LDHA: variants seen among roughly 807,000 people sequenced by gnomAD.
LDHA encodes the protein lactate dehydrogenase A, also known as L-lactate dehydrogenase A chain.
LDHA carries 10 observed loss-of-function variants against 36.3 expected under a neutral mutation model. The observed-to-expected ratio is 0.28, with a 90% CI of 0.17 to 0.47. LDHA has a LOEUF of 0.47. Among genes scored for constraint, LDHA ranks in the 20% least tolerant of loss-of-function variants. The pLI, the probability that LDHA is intolerant of heterozygous loss-of-function variation, is 0.99. For missense variants in LDHA, 267 were observed against 405.8 expected (o/e 0.66, Z 2.94); for synonymous variants, 110 against 136.7 (o/e 0.80, Z 1.36).
At chr11:18,401,955 C>CTCTCTTTTTCTTTTT in intron 4 of LDHA, among the ~76,000 whole-genome samples, 1 of 52,256 alleles carries the variant, frequency 1.9e-5, no homozygotes, top group Non-Finnish European at 3.8e-5. Flanking sequence ...TTGTTATTCT[C>CTCTCTTTTTCTTTTT]TTTTTTTTTT....
At chr11:18,406,372 T>C (rs1218396859) in intron 7 of LDHA, among the ~76,000 whole-genome samples, 1 of 140,210 alleles carries the variant, frequency 7.1e-6, no homozygotes, top group African/African-American at 2.6e-5. Flanking sequence ...AGCCCAGGTG[T>C]TTGAGACCAC....
intron 5 of LDHA, among the ~76,000 whole-genome samples, chr11:18,403,341 A>T (rs1173541468): frequency 6.6e-6 from 1 of 152,150 alleles, no homozygotes; most frequent in African/African-American, 2.4e-5. Flanking sequence ...AGATGAGCAA[A>T]TCCAAATGCA....
At chr11:18,406,830 A>T (rs1328343540) in intron 7 of LDHA, 1 of 255,546 alleles carries the variant, frequency 3.9e-6, no homozygotes, top group African/African-American at 2.3e-5. Flanking sequence ...CCTGGCCAAC[A>T]TGGTGAAACC....
chr11:18,399,706 C>T (rs1866414556), intron 3 of LDHA, 158 bp downstream of exon 3: 4 of 668,858 alleles, frequency 6.0e-6, no homozygotes, highest in Non-Finnish European at 1.1e-5. Flanking sequence ...ACTTCATTAC[C>T]CCCTCCCCCT....
At chr11:18,406,444 G>GT (rs1866685585) in intron 7 of LDHA, among the ~76,000 whole-genome samples, 2 of 125,250 alleles carry the variant, frequency 1.6e-5, no homozygotes, top group Non-Finnish European at 3.4e-5. Flanking sequence ...AAGGCCATGT[G>GT]CGGGCAGCTG....
chr11:18,406,414 TA>T lies in LDHA; in HGVS notation c.835-682del, dbSNP rs532942664. On this transcript the variant is annotated intron_variant, in intron 7 of 7. Coordinates refer to ENST00000422447, the MANE Select transcript of LDHA (RefSeq NM_005566.4). ...CAGTATAGTGAGATCTTGCCTCTGT[TA>T]AAAAAAAAAAAAAAAAAAAAGGCCA... is the stretch of plus-strand genomic sequence containing the variant. Among the ~76,000 whole-genome samples, 88 of 97,176 alleles carry T rather than the reference TA, an allele frequency of 9.1e-4. 2 individuals carry two copies. Among genetic ancestry groups the T allele is most frequent in the East Asian group, 2.6e-3 (7 of 2,650 alleles). The allele number at this position is 97,176 out of a possible 152,430, so 63.8% of individuals were successfully genotyped here.
At chr11:18,397,759 C>T (rs111585790) in intron 2 of LDHA, among the ~76,000 whole-genome samples, 3 of 151,814 alleles carry the variant, frequency 2.0e-5, no homozygotes, top group Non-Finnish European at 2.9e-5. Context: ...GGCAGTGACC[C>T]GAGATAGCAC....
chr11:18,402,640 G>A (rs541200892), intron 4 of LDHA, 200 bp from the exon 5 acceptor site: 2 of 561,142 alleles, frequency 3.6e-6, no homozygotes, highest in Non-Finnish European at 6.4e-6. Context: ...TATACATAGT[G>A]TAGAGGCTTA....
intron 1 of LDHA, chr11:18,396,337 C>T (rs1428997240): frequency 1.3e-5 from 5 of 394,398 alleles, no homozygotes; most frequent in Non-Finnish European, 2.2e-5. Flanking sequence ...CCTTTCCGAG[C>T]GGGAAGGAGA....
At chr11:18,396,362 A>C (rs991416012) in intron 1 of LDHA, 6 of 397,856 alleles carry the variant, frequency 1.5e-5, no homozygotes, top group African/African-American at 1.0e-4. Flanking sequence ...CAAAGCGCGC[A>C]TGCGCGCGGA....
intron 3 of LDHA, chr11:18,400,437 AC>A: frequency 2.0e-4 from 1 of 4,894 alleles, no homozygotes; most frequent in Non-Finnish European, 2.5e-3. Flanking sequence ...CACCACACAC[AC>A]ACACACACAC....
chr11:18,403,884 A>G (rs774088662), intron 6 of LDHA, 73 bp downstream of exon 6: 2 of 921,982 alleles, frequency 2.2e-6, no homozygotes, highest in Admixed American at 1.8e-5. Flanking sequence ...TAAAATTGTA[A>G]TAGTATTTGC....
chr11:18,402,588 A>C, intron 4 of LDHA: 2 of 409,622 alleles, frequency 4.9e-6, no homozygotes, highest in South Asian at 4.4e-5. Context: ...GTGAGTTGTC[A>C]TGCCCAGCCA....
chr11:18,399,980 T>C (rs1383464439), intron 3 of LDHA: 2 of 194,994 alleles, frequency 1.0e-5, no homozygotes, highest in African/African-American at 2.4e-5. Flanking sequence ...CTGGGAACAA[T>C]TTCACTTAGG....
intron 4 of LDHA, 107 bp downstream of exon 4, chr11:18,401,117 A>G (rs1473904117): frequency 8.9e-6 from 4 of 448,398 alleles, no homozygotes; most frequent in African/African-American, 2.1e-5. Context: ...TAAAAAATAC[A>G]TTTTTAAAAA....
chr11:18,401,684 A>G (rs1002898786), intron 4 of LDHA, among the ~76,000 whole-genome samples: 62 of 146,380 alleles, frequency 4.2e-4, no homozygotes, highest in Non-Finnish European at 8.2e-4. Context: ...TCATCAGGTT[A>G]GCCAGGATGG....
Position 18,407,252 on chromosome 11 carries a change from T to C in LDHA, c.970T>C (p.Trp324Arg). The change falls in exon 8 of 8, where the codon TGG (tryptophan) becomes CGG (arginine). Residue 324 changes from tryptophan (W) to arginine (R), a missense_variant. Transcript: ENST00000422447. ...TTTGAAGAAGAGTGCAGATACACTT[T>C]GGGGGATCCAAAAGGAGCTGCAATT... ...ARLKKSADTLWGIQKELQF is the reference protein window; with the variant it reads ...ARLKKSADTLRGIQKELQF The C allele has an allele frequency of 1.9e-6, 3 of 1,613,934 alleles. No homozygotes were observed. The highest frequency in any genetic ancestry group is 1.3e-5 in the African/African-American group (1 of 75,034).
At chr11:18,396,308 T>C (rs2134016645) in intron 1 of LDHA, 1 of 383,606 alleles carries the variant, frequency 2.6e-6, no homozygotes, top group East Asian at 3.7e-5. Flanking sequence ...GACCCAGCAA[T>C]TAGTCTGATT....
At chr11:18,396,572 A>C (rs1049174299) in intron 1 of LDHA, 18 of 1,386,042 alleles carry the variant, frequency 1.3e-5, no homozygotes, top group Non-Finnish European at 1.7e-5. Flanking sequence ...AGGAGGCTAT[A>C]CTTACACCCA....
Sources: gnomAD v4.1 joint callset for allele counts (sites outside exome capture counted in the v4.1 genomes callset) on GRCh38, gnomAD v4.1.1 for gene constraint, MANE v1.5 for transcripts, NCBI Gene and HGNC (gene_info 2026-07-23, HGNC 2026-07-21) for gene names.